Variants in OR1L6 observed in about 807,000 individuals in gnomAD.
The protein encoded by OR1L6 is olfactory receptor family 1 subfamily L member 6, also known as olfactory receptor 1L6.
Under a neutral mutation model 3.0 loss-of-function variants are expected in OR1L6, and 2 were observed. The observed-to-expected ratio is 0.68, with a 90% CI of 0.28 to 2.13. OR1L6 has a LOEUF of 2.13. Among genes scored for constraint, OR1L6 ranks in the 30% most tolerant of loss-of-function variants. OR1L6 has a pLI of 0.14. For missense variants in OR1L6, 304 were observed against 378.4 expected (o/e 0.80, Z 1.63); for synonymous variants, 121 against 148.4 (o/e 0.82, Z 1.34).
chr9:122,749,551 C>CA (rs1229109906), intron 1 of OR1L6, among the ~76,000 whole-genome samples: 2 of 151,848 alleles, frequency 1.3e-5, no homozygotes, highest in Non-Finnish European at 2.9e-5. Context: ...ACTAAAAATA[C>CA]AAAAAAATTA....
chr9:122,743,974 G>C (rs1478502843), intron 1 of OR1L6, among the ~76,000 whole-genome samples: 1 of 152,140 alleles, frequency 6.6e-6, no homozygotes, highest in Non-Finnish European at 1.5e-5. Flanking sequence ...AGGTGTGATA[G>C]AGCAGTTTAA....
chr9:122,748,588 T>C (rs577926320), intron 1 of OR1L6, among the ~76,000 whole-genome samples: 1 of 152,320 alleles, frequency 6.6e-6, no homozygotes, highest in East Asian at 1.9e-4. Context: ...GAATACATTG[T>C]GCAGCGGTCA....
At chr9:122,745,248 T>C (rs184289015) in intron 1 of OR1L6, among the ~76,000 whole-genome samples, 98 of 152,272 alleles carry the variant, frequency 6.4e-4, no homozygotes, top group Middle Eastern at 3.4e-3. Context: ...TGTAACATTC[T>C]TGGGGTAGCG....
rs1394368037 is a variant in OR1L6 at position 122,750,714 on chromosome 9, C to A, written c.867C>A (p.Phe289Leu). 1 of 1,613,280 alleles carries A rather than the reference C, an allele frequency of 6.2e-7. No individual in the cohort carries two copies. Among genetic ancestry groups the A allele is most frequent in the African/African-American group, 1.3e-5 (1 of 74,898 alleles). ...YTVVTPMLNPFIYSLRNKDMK... is the reference protein window; with the variant it reads ...YTVVTPMLNPLIYSLRNKDMK... Reference sequence around the variant, plus strand: ...TAGTGACACCCATGCTGAACCCTTTCATCTACAGCCTGAGGAACAAAGATA... The same window carrying A: ...TAGTGACACCCATGCTGAACCCTTTAATCTACAGCCTGAGGAACAAAGATA... Residue 289 changes from phenylalanine (F) to leucine (L), a missense_variant, in exon 2 of 2, where the codon TTC (phenylalanine) becomes TTA (leucine). Coordinates refer to ENST00000304720, the MANE Select transcript of OR1L6 (RefSeq NM_001004453.3).
intron 1 of OR1L6, among the ~76,000 whole-genome samples, chr9:122,745,603 G>C (rs1828829300): frequency 6.6e-6 from 1 of 151,278 alleles, no homozygotes. Context: ...TAGTAGAGAC[G>C]GGGTTTCACC....
At chr9:122,747,146 C>T (rs993711981) in intron 1 of OR1L6, among the ~76,000 whole-genome samples, 1 of 152,014 alleles carries the variant, frequency 6.6e-6, no homozygotes, top group African/African-American at 2.4e-5. Context: ...AGTGTTCAAC[C>T]AATTGTGACA....
chr9:122,750,108 A>T lies in OR1L6; in HGVS notation c.261A>T (p.Leu87=). The change falls in exon 2 of 2, where the codon CTA becomes CTT. Residue 87 remains leucine (L), a synonymous_variant. Transcript: ENST00000304720. ...TGCCTAAGATGCTGGTGAATTTTCT[A>T]TCAGAGACAAAGGTTATCTCCTATG... ...VIVPKMLVNF[L]SETKVISYVG... 1.2e-6 allele frequency: 2 copies of T among 1,613,990 alleles called. No individual in the cohort carries two copies. Among genetic ancestry groups the T allele is most frequent in the East Asian group, 2.2e-5 (1 of 44,872 alleles).
intron 1 of OR1L6, among the ~76,000 whole-genome samples, chr9:122,745,980 C>T (rs1338207218): frequency 6.6e-6 from 1 of 152,050 alleles, no homozygotes; most frequent in Non-Finnish European, 1.5e-5. Flanking sequence ...GGTTTTAAGC[C>T]TGGCATGCAT....
intron 1 of OR1L6, among the ~76,000 whole-genome samples, chr9:122,745,694 A>G (rs550765053): frequency 3.3e-5 from 5 of 152,028 alleles, no homozygotes; most frequent in South Asian, 2.1e-4. Flanking sequence ...TTACAGGCGT[A>G]AACCACCGCA....
chr9:122,742,808 A>C (rs1828803443), intron 1 of OR1L6, among the ~76,000 whole-genome samples: 1 of 152,222 alleles, frequency 6.6e-6, no homozygotes, highest in African/African-American at 2.4e-5. Flanking sequence ...TAAAGACTAA[A>C]TGACTTAGTG....
rs1330219647 is a variant in OR1L6 at position 122,750,085 on chromosome 9, C to G, written c.238C>G (p.Pro80Ala). Reference sequence around the variant, plus strand: ...TATCTGCTTCACAACAGTCATAGTGCCTAAGATGCTGGTGAATTTTCTATC... The same window carrying G: ...TATCTGCTTCACAACAGTCATAGTGGCTAAGATGCTGGTGAATTTTCTATC... ...MDICFTTVIV[P>A]KMLVNFLSET... Residue 80 changes from proline to alanine, a missense_variant, in exon 2 of 2, where the codon CCT becomes GCT. Pro to Ala is a conservative substitution (Grantham distance 27). Coordinates refer to ENST00000304720, the MANE Select transcript of OR1L6 (RefSeq NM_001004453.3). 1 of 1,614,076 alleles carries G rather than the reference C, an allele frequency of 6.2e-7. No homozygotes were observed. Among genetic ancestry groups the G allele is most frequent in the Non-Finnish European group, 8.5e-7 (1 of 1,180,002 alleles).
chr9:122,750,286 T>C lies in OR1L6; in HGVS notation c.439T>C (p.Leu147=). 6.2e-7 allele frequency: 1 copy of C among 1,614,094 alleles called. No individual in the cohort carries two copies. Among genetic ancestry groups the C allele is most frequent in the Non-Finnish European group, 8.5e-7 (1 of 1,180,016 alleles). Residue 147 remains leucine, a synonymous_variant, in exon 2 of 2, where the codon TTG becomes CTG. Coordinates refer to ENST00000304720, the MANE Select transcript of OR1L6 (RefSeq NM_001004453.3). ...ACCACGGCATTGCCTGCTCATGCTA[T>C]TGGGTTCTTGCAGCATCTCCCACCT... is the stretch of plus-strand genomic sequence containing the variant. ...MKPRHCLLML[L]GSCSISHLHS... is the part of the protein sequence containing the mutation.
At chr9:122,745,114 T>C (rs1404755337) in intron 1 of OR1L6, among the ~76,000 whole-genome samples, 1 of 152,216 alleles carries the variant, frequency 6.6e-6, no homozygotes, top group African/African-American at 2.4e-5. Context: ...ATGTTGCTAA[T>C]ATCTATTGAC....
rs1227513295 is a variant in OR1L6 at position 122,750,766 on chromosome 9, G to T, written c.919G>T (p.Asp307Tyr). ...DMKRGLKKLQ[D>Y]RIYR ...GAAGAGGGGTTTGAAGAAATTACAG[G>T]ACAGAATTTACCGGTAAAAGGAACA... Residue 307 changes from aspartate (D) to tyrosine (Y), a missense_variant, in exon 2 of 2, where the codon GAC (aspartate) becomes TAC (tyrosine). Asp to Tyr is a radical substitution (Grantham distance 160). Coordinates refer to ENST00000304720, the MANE Select transcript of OR1L6 (RefSeq NM_001004453.3). 7 of 1,606,378 alleles carry T rather than the reference G, an allele frequency of 4.4e-6. No individual in the cohort carries two copies. The highest frequency in any genetic ancestry group is 5.9e-6 in the Non-Finnish European group (7 of 1,176,662).
intron 1 of OR1L6, among the ~76,000 whole-genome samples, chr9:122,743,910 T>C (rs1311474083): frequency 6.6e-6 from 1 of 152,114 alleles, no homozygotes. Context: ...TGGCCTCTGT[T>C]GACAGAGGAC....
chr9:122,743,519 G>T (rs1466247902), intron 1 of OR1L6, among the ~76,000 whole-genome samples: 1 of 152,186 alleles, frequency 6.6e-6, no homozygotes, highest in Non-Finnish European at 1.5e-5. Context: ...TCCCCAAGTG[G>T]AACATATCTC....
At chr9:122,743,761 A>G (rs769344457) in intron 1 of OR1L6, among the ~76,000 whole-genome samples, 4 of 152,232 alleles carry the variant, frequency 2.6e-5, no homozygotes, top group Non-Finnish European at 5.9e-5. Context: ...GAAACAGAGA[A>G]GAACACATGG....
At chr9:122,748,345 C>A (rs1828856127) in intron 1 of OR1L6, among the ~76,000 whole-genome samples, 1 of 151,826 alleles carries the variant, frequency 6.6e-6, no homozygotes. Context: ...CATGGAGATA[C>A]CCTGAATGAA....
chr9:122,748,272 C>G (rs756672716), intron 1 of OR1L6, among the ~76,000 whole-genome samples: 1 of 152,088 alleles, frequency 6.6e-6, no homozygotes, highest in African/African-American at 2.4e-5. Flanking sequence ...TGTACTATCT[C>G]AACTATCATC....
Sources: allele counts gnomAD v4.1 joint callset (sites outside exome capture counted in the v4.1 genomes callset), GRCh38; gene constraint gnomAD v4.1.1; transcripts MANE v1.5; gene names NCBI Gene and HGNC (gene_info 2026-07-23, HGNC 2026-07-21).